The following DDX41 variants were observed in gnomAD, a reference collection of about 807,000 sequenced individuals.
DDX41 encodes the protein DEAD-box helicase 41.
A neutral mutation model predicts 78.8 loss-of-function variants in DDX41; 50 were observed. The observed-to-expected ratio is 0.63, with a 90% CI of 0.51 to 0.80. DDX41 has a LOEUF of 0.80. Among genes scored for constraint, DDX41 ranks in the 30% least tolerant of loss-of-function variants. The probability of loss-of-function intolerance (pLI) is 0.00; values close to 1 mark genes in which losing one functional copy is unlikely to be tolerated. For synonymous variants in DDX41, 381 were observed against 321.5 expected, an observed-to-expected ratio of 1.19 and a Z score of -1.98; for missense variants, 633 against 849.2, an observed-to-expected ratio of 0.75 and a Z score of 3.16.
Position 177,515,205 on chromosome 5 carries a change from T to A in DDX41, c.625A>T (p.Ile209Phe). The A allele has an allele frequency of 6.2e-7, 1 of 1,613,952 alleles. No individual in the cohort carries two copies. Among genetic ancestry groups the A allele is most frequent in the Non-Finnish European group, 8.5e-7 (1 of 1,180,010 alleles). ...ACTCACATGGTGGGGATGCCCTGGA[T>A]CTGAATGGGTGTTGGGTGGTGAATG... is the stretch of plus-strand genomic sequence containing the variant. ...KGIHHPTPIQ[I>F]QGIPTILSGR... Residue 209 changes from isoleucine to phenylalanine, a missense_variant, in exon 7 of 17, where the codon ATC becomes TTC. This residue lies in a region of DDX41 where 126 missense variants were observed against 115.5 expected (regional missense o/e 1.09). Coordinates refer to ENST00000330503, the MANE Select transcript of DDX41 (RefSeq NM_016222.4).
chr5:177,516,227 C>T (rs766484104), intron 3 of DDX41, 34 bp from the exon 4 acceptor site: 5 of 1,614,136 alleles, frequency 3.1e-6, no homozygotes, highest in Non-Finnish European at 3.4e-6. Context: ...CAGACAGATA[C>T]CAAAACGGTG....
chr5:177,513,860 GA>G lies in DDX41; in HGVS notation c.936-14del. ...CATGTGTACACCGCTGGGGACCAAG[GA>G]GAGACCCTGAGGTTGGGGCCACTGG... On this transcript the variant is annotated splice_polypyrimidine_tract_variant and intron_variant, in intron 9 of 16. Coordinates refer to ENST00000330503, the MANE Select transcript of DDX41 (RefSeq NM_016222.4). This position sits in a 1 kb window ranked among gnomAD's most constrained non-coding sequence, Gnocchi z 4.6. 6.2e-7 allele frequency: 1 copy of G among 1,613,032 alleles called. No homozygotes were observed. The highest frequency in any genetic ancestry group is 2.2e-5 in the East Asian group (1 of 44,866).
Position 177,516,770 on chromosome 5 carries a change from C to T in DDX41, c.93G>A (p.Glu31=). 6.2e-7 allele frequency: 1 copy of T among 1,612,014 alleles called. No individual in the cohort carries two copies. Among genetic ancestry groups the T allele is most frequent in the Non-Finnish European group, 8.5e-7 (1 of 1,179,524 alleles). ...GTAACGGCACATAGGGCACGTAGTC[C>T]TCGTCGTCCTCATCTTCCGCCTCGG... is the stretch of plus-strand genomic sequence containing the variant. ...SRSEAEDEDD[E]DYVPYVPLRQ... is the part of the protein sequence containing the mutation. The change falls in exon 2 of 17, where the codon GAG becomes GAA. Residue 31 remains glutamate (E), a synonymous_variant. Coordinates refer to ENST00000330503, the MANE Select transcript of DDX41 (RefSeq NM_016222.4).
intron 6 of DDX41, 174 bp downstream of exon 6, chr5:177,515,511 C>A (rs1761184705): frequency 2.1e-6 from 2 of 936,662 alleles, no homozygotes; most frequent in South Asian, 2.9e-5. Flanking sequence ...CAGCAGAGAA[C>A]AATGAACACG....
At chr5:177,512,944 T>C in intron 12 of DDX41, 67 bp downstream of exon 12, 2 of 1,593,034 alleles carry the variant, frequency 1.3e-6, no homozygotes, top group Admixed American at 1.7e-5. Context: ...CCCCTGGCAC[T>C]CTGTCCCCTC....
rs115153529 is a variant in DDX41 at position 177,516,556 on chromosome 5, C to G, written c.139-109G>C. Reference sequence around the variant, plus strand: ...TCCTGTGCCCGAGGCGCAAAGCTGCCCTACCCCTCAGATCAAGCCGTCGGT... The same window carrying G: ...TCCTGTGCCCGAGGCGCAAAGCTGCGCTACCCCTCAGATCAAGCCGTCGGT... On this transcript the variant is annotated intron_variant, in intron 2 of 16. Coordinates refer to ENST00000330503, the MANE Select transcript of DDX41 (RefSeq NM_016222.4). The G allele has an allele frequency of 6.3e-4, 919 of 1,463,854 alleles. 5 individuals carry two copies. In the African/African-American group the frequency reaches 9.1e-3, roughly 14 times the overall value. 90.7% of individuals were successfully genotyped at this position (1,463,854 alleles called of 1,614,324 possible).
Position 177,514,614 on chromosome 5 carries a change from T to C in DDX41, c.935+87A>G. ...CTCACAGCAGCCCTCTGTGAAGATC[T>C]GTGGAGTGGCTAAGGTAAAGGGTCC... is the stretch of plus-strand genomic sequence containing the variant. On this transcript the variant is annotated intron_variant, in intron 9 of 16. Coordinates refer to ENST00000330503, the MANE Select transcript of DDX41 (RefSeq NM_016222.4). This position sits in a 1 kb window ranked among gnomAD's most constrained non-coding sequence, Gnocchi z 4.2. 2.0e-6 allele frequency: 3 copies of C among 1,514,362 alleles called. No homozygotes were observed. Among genetic ancestry groups the C allele is most frequent in the Non-Finnish European group, 2.7e-6 (3 of 1,127,674 alleles). 93.8% of individuals were successfully genotyped at this position (1,514,362 alleles called of 1,614,324 possible). A position where few individuals can be genotyped will look rare whatever the true frequency, so the allele number is the denominator to read the frequency against.
At position 177,512,327 on chromosome 5, in the gene DDX41, G is replaced by A. The variant is rs755467087; in HGVS notation, c.1616C>T (p.Ala539Val). The change falls in exon 15 of 17, where the codon GCG becomes GTG. Residue 539 changes from alanine (A) to valine (V), a missense_variant. Around this residue, in one of 6 missense-constraint regions of DDX41, gnomAD observed 185 missense variants for 367.4 expected, o/e 0.50. Transcript: ENST00000330503. ...GGCGCTGGTAACAGACTCACCACAC[G>A]CTTTGTTGATGAAGGTAGTGGCGAT... Reference protein sequence around the residue: ...TGIATTFINKACDESVLMDLK... With the variant: ...TGIATTFINKVCDESVLMDLK... 8 of 1,613,894 alleles carry A rather than the reference G, an allele frequency of 5.0e-6. No homozygotes were observed. Among genetic ancestry groups the A allele is most frequent in the Middle Eastern group, 1.6e-4 (1 of 6,084 alleles).
rs1015240783 is a variant in DDX41 at position 177,514,044 on chromosome 5, G to A, written c.936-197C>T. 19 of 702,404 alleles carry A rather than the reference G, an allele frequency of 2.7e-5. No homozygotes were observed. The highest frequency in any genetic ancestry group is 6.2e-5 in the South Asian group (4 of 64,846). The allele number at this position is 702,404 out of a possible 1,614,324, so 43.5% of individuals were successfully genotyped here. On this transcript the variant is annotated intron_variant, in intron 9 of 16. Coordinates refer to ENST00000330503, the MANE Select transcript of DDX41 (RefSeq NM_016222.4). The surrounding 1 kb of genome is among the most constrained non-coding windows in gnomAD (Gnocchi z 4.2). ...AGGCACTGCAGCCATCTTCACCACC[G>A]CTCGGCCTGGCGCGCCTTCCCCCTT...
At position 177,516,801 on chromosome 5, in the gene DDX41, C is replaced by G; in HGVS notation, c.62G>C (p.Ser21Thr). The G allele has an allele frequency of 6.2e-7, 1 of 1,612,584 alleles. No homozygotes were observed. Among genetic ancestry groups the G allele is most frequent in the African/African-American group, 1.3e-5 (1 of 75,062 alleles). Reference protein sequence around the residue: ...ARTDEVPAGGSRSEAEDEDDE... With the variant: ...ARTDEVPAGGTRSEAEDEDDE... The stretch of plus-strand genomic sequence containing the variant: ...GTCCTCATCTTCCGCCTCGGAGCGG[C>G]TTCCTCCGGCAGGCACCTCGTCGGT... Residue 21 changes from serine (S) to threonine (T), a missense_variant, in exon 2 of 17, where the codon AGC becomes ACC. Transcript: ENST00000330503.
At position 177,516,744 on chromosome 5, in the gene DDX41, C is replaced by A. The variant is rs1362518112; in HGVS notation, c.119G>T (p.Arg40Leu). 3 of 1,608,130 alleles carry A rather than the reference C, an allele frequency of 1.9e-6. No homozygotes were observed. The Admixed American group carries it at 5.0e-5, about 27-fold the overall frequency. The stretch of plus-strand genomic sequence containing the variant: ...CCTCACCAGTAGCTGCCGGCGCTGC[C>A]GTAACGGCACATAGGGCACGTAGTC... Reference protein sequence around the residue: ...DEDYVPYVPLRQRRQLLLQKL... With the variant: ...DEDYVPYVPLLQRRQLLLQKL... Residue 40 changes from arginine (R) to leucine (L), a missense_variant, in exon 2 of 17, where the codon CGG (arginine) becomes CTG (leucine). Arg to Leu is a moderately radical substitution (Grantham distance 102). Around this residue, in one of 6 missense-constraint regions of DDX41, gnomAD observed 140 missense variants for 115.2 expected, o/e 1.22. Coordinates refer to ENST00000330503, the MANE Select transcript of DDX41 (RefSeq NM_016222.4).
chr5:177,514,211 C>T lies in DDX41; in HGVS notation c.936-364G>A, dbSNP rs535677094. 3 of 497,596 alleles carry T rather than the reference C, an allele frequency of 6.0e-6. No individual in the cohort carries two copies. The highest frequency in any genetic ancestry group is 1.1e-4 in the East Asian group (2 of 17,772). The allele number at this position is 497,596 out of a possible 1,614,324, so 30.8% of individuals were successfully genotyped here. ...CTCAGAAGTCCGTGGAGGAAGGCCTCCGGGATGGGGTCTGGCCCATCTGTG... is the reference window on the plus strand; with the variant it reads ...CTCAGAAGTCCGTGGAGGAAGGCCTTCGGGATGGGGTCTGGCCCATCTGTG... On this transcript the variant is annotated intron_variant, in intron 9 of 16. Transcript: ENST00000330503. The surrounding 1 kb of genome is among the most constrained non-coding windows in gnomAD (Gnocchi z 4.2).
chr5:177,515,333 A>C (rs1204377032), intron 6 of DDX41, 75 bp from the exon 7 acceptor site: 10 of 1,400,430 alleles, frequency 7.1e-6, no homozygotes, highest in Non-Finnish European at 8.1e-6. Context: ...TAAAACTGGC[A>C]CTACCCCTAC....
intron 15 of DDX41, 53 bp downstream of exon 15, chr5:177,512,269 C>T: frequency 6.2e-7 from 1 of 1,613,872 alleles, no homozygotes; most frequent in Non-Finnish European, 8.5e-7. Flanking sequence ...ACCTGGGTGG[C>T]CACAGGCAGG....
chr5:177,513,832 C>T lies in DDX41; in HGVS notation c.951G>A (p.Met317Ile). 2.5e-6 allele frequency: 4 copies of T among 1,613,632 alleles called. No homozygotes were observed. The highest frequency in any genetic ancestry group is 3.4e-6 in the Non-Finnish European group (4 of 1,180,002). The change falls in exon 10 of 17, where the codon ATG becomes ATA. Residue 317 changes from methionine to isoleucine, a missense_variant. Physicochemically the swap from Met to Ile is conservative, Grantham distance 10. Transcript: ENST00000330503. The surrounding 1 kb of genome is among the most constrained non-coding windows in gnomAD (Gnocchi z 4.6). ...CCATGAGGCGCCCCGGGGTGGCCAC[C>T]ATCATGTGTACACCGCTGGGGACCA... ...METIRHGVHM[M>I]VATPGRLMDL...
chr5:177,511,724 C>A lies in DDX41; in HGVS notation c.*67G>T. On this transcript the variant is annotated 3_prime_UTR_variant, in exon 17 of 17. Transcript: ENST00000330503. ...AATGCTGATTCTGTCCAGGGGGCTG[C>A]TGTATGTGTAGACTGGTGGCAGTCT... is the stretch of plus-strand genomic sequence containing the variant. 6.3e-7 allele frequency: 1 copy of A among 1,595,896 alleles called. No homozygotes were observed. Among genetic ancestry groups the A allele is most frequent in the East Asian group, 2.2e-5 (1 of 44,550 alleles).
rs773819724 is a variant in DDX41, at chr5:177,515,041, C to T, written c.673G>A (p.Ala225Thr). The T allele has an allele frequency of 1.9e-6, 3 of 1,613,326 alleles. No homozygotes were observed. Among genetic ancestry groups the T allele is most frequent in the South Asian group, 1.1e-5 (1 of 91,074 alleles). Residue 225 changes from alanine (A) to threonine (T), a missense_variant, in exon 8 of 17, where the codon GCT (alanine) becomes ACT (threonine). By Grantham distance (58) the Ala-to-Thr change is moderately conservative. Around this residue, in one of 6 missense-constraint regions of DDX41, gnomAD observed 7 missense variants for 22.1 expected, o/e 0.32. Coordinates refer to ENST00000330503, the MANE Select transcript of DDX41 (RefSeq NM_016222.4). ...ILSGRDMIGI[A>T]FTGSGKTLVF... ...AGTGTCTTGCCTGAACCCGTGAAAG[C>T]GATGCCTATCATGTCACGGCCAGAT...
Position 177,512,644 on chromosome 5 carries a change from G to A in DDX41, c.1401C>T (p.Asp467=). ...VEAVAIHGGK[D]QEERTKAIEA... ...CGATGGCCTTAGTCCGTTCCTCCTG[G>A]TCTGGGGAGGGTCAGGCAGACACTG... The change falls in exon 14 of 17, where the codon GAC becomes GAT. Residue 467 remains aspartate (D), a splice_region_variant and synonymous_variant. Coordinates refer to ENST00000330503, the MANE Select transcript of DDX41 (RefSeq NM_016222.4). 2 of 1,614,020 alleles carry A rather than the reference G, an allele frequency of 1.2e-6. No individual in the cohort carries two copies. The highest frequency in any genetic ancestry group is 1.7e-6 in the Non-Finnish European group (2 of 1,180,000).
At position 177,512,851 on chromosome 5, in the gene DDX41, G is replaced by A; in HGVS notation, c.1328C>T (p.Ala443Val). Residue 443 changes from alanine (A) to valine (V), a missense_variant, in exon 13 of 17, where the codon GCA becomes GTA. By Grantham distance (64) the Ala-to-Val change is moderately conservative (BLOSUM62 0). Coordinates refer to ENST00000330503, the MANE Select transcript of DDX41 (RefSeq NM_016222.4). ...PPVLIFAEKK[A>V]DVDAIHEYLL... ...GTACTCGTGGATGGCGTCCACGTCT[G>A]CCTTCTTCTCTGCAAAGATGAGTAC... 6.2e-7 allele frequency: 1 copy of A among 1,613,996 alleles called. No homozygotes were observed. The highest frequency in any genetic ancestry group is 8.5e-7 in the Non-Finnish European group (1 of 1,180,016).
Sources: gnomAD v4.1 joint callset for allele counts on GRCh38, gnomAD v4.1.1 for gene constraint, gnomAD v4.1.1 regional missense constraint, Gnocchi (gnomAD v3.1) non-coding constraint, MANE v1.5 for transcripts, NCBI Gene and HGNC (gene_info 2026-07-23, HGNC 2026-07-21) for gene names.